Variants in UBE2H observed in about 807,000 individuals in gnomAD.
UBE2H encodes the protein ubiquitin conjugating enzyme E2 H.
A neutral mutation model predicts 29.0 loss-of-function variants in UBE2H; 3 were observed. The observed-to-expected ratio is 0.10, with a 90% confidence interval of 0.05 to 0.27. The LOEUF (loss-of-function observed/expected upper bound fraction) is 0.27. UBE2H is among the 10% of genes least tolerant of loss of function. The pLI is 1.00. For synonymous variants in UBE2H, 69 were observed against 82.9 expected, an observed-to-expected ratio of 0.83 and a Z score of 0.91; for missense variants, 68 against 228.2, an observed-to-expected ratio of 0.30 and a Z score of 4.52.
At chr7:129,951,483 C>A (rs1807875038) in intron 1 of UBE2H, among the ~76,000 whole-genome samples, 1 of 150,252 alleles carries the variant, frequency 6.7e-6, no homozygotes, top group African/African-American at 2.4e-5. Flanking sequence ...TCTAAACTAC[C>A]CTTCAAAAAA....
intron 4 of UBE2H, among the ~76,000 whole-genome samples, chr7:129,857,936 C>G (rs73469788): frequency 6.6e-6 from 1 of 152,106 alleles, no homozygotes; most frequent in Non-Finnish European, 1.5e-5. Flanking sequence ...CAGGAAACAT[C>G]AGACAAACAC....
At chr7:129,929,276 C>CATT (rs1481161694) in intron 1 of UBE2H, among the ~76,000 whole-genome samples, 7 of 147,474 alleles carry the variant, frequency 4.7e-5, no homozygotes, top group African/African-American at 1.8e-4. Context: ...AAGATCGTGC[C>CATT]ATTGCACTCC....
At chr7:129,916,150 G>A (rs978828671) in intron 1 of UBE2H, among the ~76,000 whole-genome samples, 94 of 152,082 alleles carry the variant, frequency 6.2e-4, no homozygotes, top group Non-Finnish European at 7.4e-5. Flanking sequence ...ATATAGGCAG[G>A]TAATTATATT....
intron 1 of UBE2H, among the ~76,000 whole-genome samples, chr7:129,914,075 A>C (rs1324187592): frequency 6.6e-6 from 1 of 152,198 alleles, no homozygotes; most frequent in South Asian, 2.1e-4. Flanking sequence ...GACTGTACCA[A>C]TGGGCTCTGG....
chr7:129,835,057 G>A lies in UBE2H; in HGVS notation c.432C>T (p.Tyr144=). Reference sequence around the variant, plus strand: ...CCTCCTCCGTGGCGTATTTCTGGATGTACTCTGCACGGGGTGGGAGAAAGA... The same window carrying A: ...CCTCCTCCGTGGCGTATTTCTGGATATACTCTGCACGGGGTGGGAGAAAGA... ...PEEYKQKIKE[Y]IQKYATEEAL... The change falls in exon 7 of 7, where the codon TAC becomes TAT. Residue 144 remains tyrosine, a synonymous_variant. Transcript: ENST00000355621. The A allele has an allele frequency of 6.2e-7, 1 of 1,614,072 alleles. No homozygotes were observed. The highest frequency in any genetic ancestry group is 8.5e-7 in the Non-Finnish European group (1 of 1,180,018).
chr7:129,836,828 C>T (rs1252100477), intron 6 of UBE2H, among the ~76,000 whole-genome samples: 6 of 136,970 alleles, frequency 4.4e-5, no homozygotes, highest in African/African-American at 8.2e-5. Flanking sequence ...TGCAGTGGGC[C>T]GAGATCGCAC....
At chr7:129,844,642 A>C (rs1273569689) in intron 5 of UBE2H, among the ~76,000 whole-genome samples, 1 of 152,196 alleles carries the variant, frequency 6.6e-6, no homozygotes, top group East Asian at 1.9e-4. Flanking sequence ...CGCCTGTCTT[A>C]ACTTTTAAAG....
intron 1 of UBE2H, among the ~76,000 whole-genome samples, chr7:129,926,248 G>A (rs1192616657): frequency 6.6e-6 from 1 of 151,436 alleles, no homozygotes; most frequent in African/African-American, 2.4e-5. Context: ...AGTGGCTCAT[G>A]CCTGTAATCC....
intron 1 of UBE2H, among the ~76,000 whole-genome samples, chr7:129,922,800 C>A (rs1230029534): frequency 6.6e-6 from 1 of 152,200 alleles, no homozygotes; most frequent in Non-Finnish European, 1.5e-5. Flanking sequence ...ATTGCCCAGA[C>A]TGACTTGAAC....
chr7:129,845,634 G>C (rs1353217281), intron 5 of UBE2H, among the ~76,000 whole-genome samples: 1 of 152,202 alleles, frequency 6.6e-6, no homozygotes, highest in Non-Finnish European at 1.5e-5. Flanking sequence ...AGGATGGTTA[G>C]AATCATCACC....
chr7:129,919,428 A>G (rs78619193), intron 1 of UBE2H, among the ~76,000 whole-genome samples: 4,269 of 151,958 alleles, frequency 0.028, 96 homozygotes, highest in Non-Finnish European at 0.043. Flanking sequence ...ACCTGCCTCC[A>G]TATCTGCAGG....
chr7:129,887,285 G>C (rs563709133), intron 1 of UBE2H, among the ~76,000 whole-genome samples: 16 of 143,930 alleles, frequency 1.1e-4, no homozygotes, highest in Non-Finnish European at 1.9e-4. Flanking sequence ...GCAGTCGCAC[G>C]ATCTCAGCTC....
intron 1 of UBE2H, among the ~76,000 whole-genome samples, chr7:129,947,857 AT>A (rs918709905): frequency 7.5e-4 from 110 of 146,794 alleles, no homozygotes; most frequent in Non-Finnish European, 6.2e-4. Flanking sequence ...ACATATGAGG[AT>A]TTTTTTTTTT....
chr7:129,909,837 A>C (rs1412996176), intron 1 of UBE2H, among the ~76,000 whole-genome samples: 1 of 152,214 alleles, frequency 6.6e-6, no homozygotes, highest in Non-Finnish European at 1.5e-5. Context: ...CACAGAATCT[A>C]TCTTCTAAGG....
chr7:129,944,171 A>G (rs944191742), intron 1 of UBE2H, among the ~76,000 whole-genome samples: 1 of 152,018 alleles, frequency 6.6e-6, no homozygotes, highest in Non-Finnish European at 1.5e-5. Flanking sequence ...CCTCGCTAAC[A>G]TGGTGAAACC....
chr7:129,878,867 A>AAC (rs1806200454), intron 3 of UBE2H, among the ~76,000 whole-genome samples: 1 of 151,522 alleles, frequency 6.6e-6, no homozygotes, highest in African/African-American at 2.4e-5. Context: ...GCAAAAAAAA[A>AAC]AAAAGCTGGC....
At chr7:129,937,095 T>A (rs1006475307) in intron 1 of UBE2H, among the ~76,000 whole-genome samples, 2 of 152,088 alleles carry the variant, frequency 1.3e-5, no homozygotes, top group African/African-American at 4.8e-5. Context: ...TCTGGGAGGC[T>A]GAGGCGGATG....
intron 3 of UBE2H, chr7:129,865,183 C>A: frequency 6.1e-6 from 2 of 330,568 alleles, no homozygotes; most frequent in Non-Finnish European, 6.0e-6. Context: ...CACTCCAATA[C>A]TCAACTGCTC....
intron 1 of UBE2H, among the ~76,000 whole-genome samples, chr7:129,939,591 G>A (rs1807600002): frequency 6.6e-6 from 1 of 152,134 alleles, no homozygotes; most frequent in African/African-American, 2.4e-5. Flanking sequence ...CAATGGAAAT[G>A]TCCAACCAAA....
Sources: allele counts gnomAD v4.1 joint callset (sites outside exome capture counted in the v4.1 genomes callset), GRCh38; gene constraint gnomAD v4.1.1; transcripts MANE v1.5; gene names NCBI Gene and HGNC (gene_info 2026-07-23, HGNC 2026-07-21).